The following TCEA3 variants were observed in gnomAD, a reference collection of about 807,000 sequenced individuals.
TCEA3 encodes the protein transcription elongation factor A3.
Under a neutral mutation model 44.0 loss-of-function variants are expected in TCEA3, and 36 were observed. That is an observed-to-expected ratio of 0.82 (90% CI 0.63 to 1.08). The LOEUF (loss-of-function observed/expected upper bound fraction) is 1.08, where lower values mean the gene tolerates loss of function less well. TCEA3 is among the 50% of genes least tolerant of loss of function. The probability of loss-of-function intolerance (pLI) is 0.00; values close to 1 mark genes in which losing one functional copy is unlikely to be tolerated. For synonymous variants in TCEA3, 162 were observed against 159.7 expected, an observed-to-expected ratio of 1.01 and a Z score of -0.11; for missense variants, 392 against 441.2, an observed-to-expected ratio of 0.89 and a Z score of 1.00.
At chr1:23,421,672 GAAGTA>G (rs1399444975) in intron 1 of TCEA3, among the ~76,000 whole-genome samples, 1 of 152,148 alleles carries the variant, frequency 6.6e-6, no homozygotes, top group East Asian at 1.9e-4. Context: ...GATAACAATA[GAAGTA>G]AATTATCTCT....
intron 8 of TCEA3, among the ~76,000 whole-genome samples, chr1:23,388,170 G>A (rs1039947684): frequency 1.1e-4 from 16 of 151,612 alleles, no homozygotes; most frequent in Non-Finnish European, 1.9e-4. Context: ...GAGGGTGGCT[G>A]ACGCGAATCT....
chr1:23,381,773 G>A (rs1157571906), intron 10 of TCEA3, among the ~76,000 whole-genome samples: 4 of 152,186 alleles, frequency 2.6e-5, no homozygotes, highest in Non-Finnish European at 5.9e-5. Flanking sequence ...CTAATCACTT[G>A]GTTAGACTTT....
intron 7 of TCEA3, among the ~76,000 whole-genome samples, chr1:23,395,736 C>T (rs897850894): frequency 2.0e-5 from 3 of 150,086 alleles, no homozygotes; most frequent in Non-Finnish European, 3.0e-5. Context: ...GCTGAGGCAG[C>T]AGAATCACTT....
At chr1:23,390,924 C>G (rs2148549287) in intron 8 of TCEA3, among the ~76,000 whole-genome samples, 1 of 151,954 alleles carries the variant, frequency 6.6e-6, no homozygotes, top group Middle Eastern at 3.4e-3. Flanking sequence ...TATCTCAGAG[C>G]CTACTCCATT....
In TCEA3 at chr1:23,383,957, C is replaced by G. The variant is rs911591756; in HGVS notation, c.1038+389G>C. On this transcript the variant is annotated intron_variant, in intron 10 of 10. Transcript: ENST00000450454. ...CAGCCTTCCTGTTTCCCATCCTTGGCTGTGGCCAGGTTCAAAGGAAATACC... is the reference window on the plus strand; with the variant it reads ...CAGCCTTCCTGTTTCCCATCCTTGGGTGTGGCCAGGTTCAAAGGAAATACC... 5 of 1,050,884 alleles carry G rather than the reference C, an allele frequency of 4.8e-6. No individual in the cohort carries two copies. The African/African-American group carries it at 8.4e-5, about 18-fold the overall frequency. 65.1% of individuals were successfully genotyped at this position (1,050,884 alleles called of 1,614,324 possible).
chr1:23,414,395 C>CTTTTG (rs1173537635), intron 4 of TCEA3, among the ~76,000 whole-genome samples: 39 of 150,204 alleles, frequency 2.6e-4, no homozygotes, highest in African/African-American at 4.4e-4. Context: ...TGGCCCTTAT[C>CTTTTG]TTTTGTTTTG....
Position 23,387,340 on chromosome 1 carries a change from G to GA in TCEA3, c.898_899insT (p.Thr300IlefsTer7). 6.2e-7 allele frequency: 1 copy of GA among 1,613,856 alleles called. No homozygotes were observed. Among genetic ancestry groups the GA allele is most frequent in the African/African-American group, 1.3e-5 (1 of 75,054 alleles). ...GAAGAGGTCAGTGGTGGTGCCGCCA[G>GA]TCTTGGCCATCTGGTGCTCACGGAT... On this transcript the variant is annotated frameshift_variant, in exon 9 of 11. Transcript: ENST00000450454. LOFTEE classifies it high-confidence loss of function.
chr1:23,418,050 A>T, intron 2 of TCEA3, 41 bp from the exon 3 acceptor site: 14 of 1,589,962 alleles, frequency 8.8e-6, no homozygotes, highest in Non-Finnish European at 1.2e-5. Context: ...GGGAATGGAT[A>T]CACAGGAATG....
Position 23,400,175 on chromosome 1 carries a change from T to C in TCEA3, c.444-2220A>G, listed in dbSNP as rs192349666. On this transcript the variant is annotated intron_variant, in intron 5 of 10. Coordinates refer to ENST00000450454, the MANE Select transcript of TCEA3 (RefSeq NM_003196.3). ...CAAAAGCCACCATTTACCACTGCTCTGCTGTTTATTCTTTTTGGTAACCCT... is the reference window on the plus strand; with the variant it reads ...CAAAAGCCACCATTTACCACTGCTCCGCTGTTTATTCTTTTTGGTAACCCT... Among the ~76,000 whole-genome samples the C allele has an allele frequency of 2.0e-5, 3 of 152,338 alleles. No individual in the cohort carries two copies. In the East Asian group the frequency reaches 5.8e-4, roughly 29 times the overall value.
At chr1:23,403,491 A>G (rs1273198507) in intron 5 of TCEA3, 1 of 152,304 alleles carries the variant, frequency 6.6e-6, no homozygotes, top group East Asian at 1.9e-4. Context: ...ATTACAAAGT[A>G]TTATGTATTT....
intron 5 of TCEA3, among the ~76,000 whole-genome samples, chr1:23,408,252 G>T (rs936051461): frequency 7.2e-5 from 11 of 152,160 alleles, no homozygotes; most frequent in Non-Finnish European, 1.3e-4. Context: ...ATGAGCCACT[G>T]TGCCCAGCCT....
In TCEA3 at chr1:23,394,003, ATGTCCG is replaced by A; in HGVS notation, c.689_694del (p.Thr230_Asp231del). 6.2e-7 allele frequency: 1 copy of A among 1,613,986 alleles called. No homozygotes were observed. The highest frequency in any genetic ancestry group is 8.5e-7 in the Non-Finnish European group (1 of 1,179,882). On this transcript the variant is annotated inframe_deletion, in exon 8 of 11. Transcript: ENST00000450454. ...GCTGCGCACGCGGTTCCGGTACTTC[ATGTCCG>A]TGCTCTTGAGCTCTTGGTAGATATG...
rs768813584 is a variant in TCEA3, at chr1:23,417,374, T to G, written c.255A>C (p.Pro85=). Residue 85 remains proline, a synonymous_variant, in exon 4 of 11, where the codon CCA becomes CCC. Coordinates refer to ENST00000450454, the MANE Select transcript of TCEA3 (RefSeq NM_003196.3). ...WKRLLDSPGP[P]KGEKGEEREK... is the part of the protein sequence containing the mutation. ...CTCTTTCCTCTCCTTTTTCTCCTTTTGGGGGTCCAGGGGAGTCTGAAAACA... is the reference window on the plus strand; with the variant it reads ...CTCTTTCCTCTCCTTTTTCTCCTTTGGGGGGTCCAGGGGAGTCTGAAAACA... 7 of 1,613,882 alleles carry G rather than the reference T, an allele frequency of 4.3e-6. No homozygotes were observed. In the Middle Eastern group the frequency reaches 5.0e-4, roughly 115 times the overall value.
At chr1:23,387,175 T>C in intron 9 of TCEA3, 98 bp downstream of exon 9, 1 of 1,467,858 alleles carries the variant, frequency 6.8e-7, no homozygotes, top group South Asian at 1.4e-5. Context: ...TTTTAACGCT[T>C]TCTCCCCTCT....
chr1:23,417,276 C>A lies in TCEA3; in HGVS notation c.353G>T (p.Arg118Met), dbSNP rs1203667031. 4.3e-6 allele frequency: 7 copies of A among 1,613,358 alleles called. No individual in the cohort carries two copies. Among genetic ancestry groups the A allele is most frequent in the Non-Finnish European group, 5.1e-6 (6 of 1,179,736 alleles). ...WKPEAGLSPP[R>M]KKREDPKTRR... The stretch of plus-strand genomic sequence containing the variant: ...GGTTTTGGGGTCTTCTCGTTTTTTC[C>A]TTGGTGGAGAAAGGCCTGCTTCTGG... The change falls in exon 4 of 11, where the codon AGG becomes ATG. Residue 118 changes from arginine to methionine, a missense_variant. Physicochemically the swap from Arg to Met is moderately conservative, Grantham distance 91. Coordinates refer to ENST00000450454, the MANE Select transcript of TCEA3 (RefSeq NM_003196.3).
intron 4 of TCEA3, among the ~76,000 whole-genome samples, chr1:23,409,947 TGTC>T (rs1639663890): frequency 6.6e-6 from 1 of 152,048 alleles, no homozygotes; most frequent in African/African-American, 2.4e-5. Flanking sequence ...TGGTGAACAT[TGTC>T]TGTGCTCAGC....
intron 5 of TCEA3, among the ~76,000 whole-genome samples, chr1:23,398,316 C>T (rs1345352184): frequency 2.0e-5 from 3 of 152,234 alleles, no homozygotes; most frequent in Non-Finnish European, 4.4e-5. Context: ...AACAGTGTAA[C>T]ACCACCAATA....
intron 5 of TCEA3, among the ~76,000 whole-genome samples, chr1:23,401,877 G>A (rs968010702): frequency 6.6e-6 from 1 of 152,054 alleles, no homozygotes; most frequent in Non-Finnish European, 1.5e-5. Context: ...TAGGTTGCAC[G>A]CTCCTTACGA....
chr1:23,385,733 G>T (rs1638817354), intron 9 of TCEA3, among the ~76,000 whole-genome samples: 2 of 152,220 alleles, frequency 1.3e-5, no homozygotes, highest in South Asian at 2.1e-4. Flanking sequence ...CCATTCTCTG[G>T]TTTTAAGAGA....
Sources: gnomAD v4.1 joint callset for allele counts (sites outside exome capture counted in the v4.1 genomes callset) on GRCh38, gnomAD v4.1.1 for gene constraint, MANE v1.5 for transcripts, NCBI Gene and HGNC (gene_info 2026-07-23, HGNC 2026-07-21) for gene names.